The following ZDHHC15 variants were observed in gnomAD, a reference collection of about 807,000 sequenced individuals.
The protein encoded by ZDHHC15 is zDHHC palmitoyltransferase 15.
ZDHHC15 carries 19 observed loss-of-function variants against 31.7 expected under a neutral mutation model. The ratio of observed to expected loss-of-function variants is 0.60; its 90% CI spans 0.42 to 0.88. The LOEUF is 0.88. Ranked by LOEUF, ZDHHC15 falls within the 40% of genes least tolerant of loss-of-function variation. The pLI is 0.00. For synonymous variants in ZDHHC15, 103 were observed against 90.0 expected, an observed-to-expected ratio of 1.14 and a Z score of -0.82; for missense variants, 209 against 251.2, an observed-to-expected ratio of 0.83 and a Z score of 1.14.
chrX:75,402,858 G>T, intron 10 of ZDHHC15, among the ~76,000 whole-genome samples: 1 of 110,019 alleles, frequency 9.1e-6, no homozygotes, highest in Non-Finnish European at 1.9e-5. Flanking sequence ...GAGGAGGAAG[G>T]ACTCCTCTCC....
rs1431730950 is a variant in ZDHHC15, at chrX:75,369,720, TAGAA to T, written c.*3254_*3257del. 8.9e-6 allele frequency: 1 copy of T among 111,828 alleles called. No homozygotes were observed. Among genetic ancestry groups the T allele is most frequent in the Non-Finnish European group, 1.9e-5 (1 of 53,219 alleles). 9.2% of individuals were successfully genotyped at this position (111,828 alleles called of 1,213,427 possible). On this transcript the variant is annotated 3_prime_UTR_variant, in exon 12 of 12. Coordinates refer to ENST00000373367, the MANE Select transcript of ZDHHC15 (RefSeq NM_144969.3). ...AGGCACATATTGCATTCTTATCACA[TAGAA>T]AGTAAGAGTTGTACAAATTGCATAC...
At chrX:75,522,550 T>C (rs2085457272) in intron 1 of ZDHHC15, among the ~76,000 whole-genome samples, 1 of 111,223 alleles carries the variant, frequency 9.0e-6, no homozygotes, top group South Asian at 3.8e-4. Context: ...TTTCCTCAAC[T>C]TGGTACAGTA....
chrX:75,459,007 A>C (rs1215959543), intron 3 of ZDHHC15, among the ~76,000 whole-genome samples: 7 of 97,418 alleles, frequency 7.2e-5, no homozygotes, highest in Non-Finnish European at 1.3e-4. Flanking sequence ...AAAAAAAAAA[A>C]AAAACAACCC....
At chrX:75,496,407 G>T (rs1030642400) in intron 2 of ZDHHC15, among the ~76,000 whole-genome samples, 4 of 111,143 alleles carry the variant, frequency 3.6e-5, no homozygotes, top group Non-Finnish European at 5.7e-5. Context: ...AGCAGTAGTG[G>T]GGGACTTCGA....
chrX:75,442,085 T>C lies in ZDHHC15; in HGVS notation c.379+8717A>G, dbSNP rs1226604837. Among the ~76,000 whole-genome samples the C allele has an allele frequency of 5.3e-5, 6 of 112,511 alleles. No individual in the cohort carries two copies. The East Asian group carries it at 1.7e-3, about 32-fold the overall frequency. On this transcript the variant is annotated intron_variant, in intron 4 of 11. Transcript: ENST00000373367. Reference sequence around the variant, plus strand: ...TTTATGTGTGAACTTGACTGAGTCATACGGTGCCCAGATATTTGATTAAAC... The same window carrying C: ...TTTATGTGTGAACTTGACTGAGTCACACGGTGCCCAGATATTTGATTAAAC...
intron 9 of ZDHHC15, among the ~76,000 whole-genome samples, chrX:75,421,234 T>G (rs1016622638): frequency 8.1e-5 from 8 of 98,983 alleles, no homozygotes; most frequent in African/African-American, 2.6e-4. Flanking sequence ...ATTTCTCTTC[T>G]GCTGTTTTTC....
chrX:75,399,997 T>G (rs962760883), intron 10 of ZDHHC15, among the ~76,000 whole-genome samples: 15 of 111,281 alleles, frequency 1.3e-4, no homozygotes, highest in African/African-American at 4.9e-4. Context: ...TACACTGCAG[T>G]TAAAGAAACA....
intron 10 of ZDHHC15, among the ~76,000 whole-genome samples, chrX:75,399,116 C>G (rs2083328661): frequency 9.0e-6 from 1 of 111,503 alleles, no homozygotes; most frequent in Non-Finnish European, 1.9e-5. Flanking sequence ...AAGCATACCA[C>G]AGCAGCCCTA....
At chrX:75,436,473 G>T (rs2083853278) in intron 4 of ZDHHC15, among the ~76,000 whole-genome samples, 1 of 111,816 alleles carries the variant, frequency 8.9e-6, no homozygotes, top group Admixed American at 9.5e-5. Flanking sequence ...GGCACTTAAT[G>T]CTATGAACTT....
intron 1 of ZDHHC15, among the ~76,000 whole-genome samples, chrX:75,522,077 G>A (rs1308664349): frequency 1.8e-5 from 2 of 110,948 alleles, no homozygotes; most frequent in African/African-American, 6.6e-5. Context: ...GGAAGGAGTC[G>A]AATGCTCCTC....
intron 2 of ZDHHC15, among the ~76,000 whole-genome samples, chrX:75,485,035 T>C (rs2084755015): frequency 9.0e-6 from 1 of 111,455 alleles, no homozygotes; most frequent in South Asian, 3.8e-4. Context: ...AGAAAACAGA[T>C]CAGCAGTTGT....
At chrX:75,393,571 C>T (rs756619748) in intron 10 of ZDHHC15, among the ~76,000 whole-genome samples, 1 of 111,241 alleles carries the variant, frequency 9.0e-6, no homozygotes, top group African/African-American at 3.3e-5. Flanking sequence ...CAGTTCATGC[C>T]AAGGACCATC....
chrX:75,408,578 AT>A (rs1174936365), intron 10 of ZDHHC15, among the ~76,000 whole-genome samples: 15 of 112,199 alleles, frequency 1.3e-4, no homozygotes, highest in Admixed American at 1.2e-3. Context: ...TTTATGCAAC[AT>A]AATACTAGAA....
At chrX:75,451,047 G>A (rs1258399701) in intron 3 of ZDHHC15, 125 bp from the exon 4 acceptor site, 3 of 785,330 alleles carry the variant, frequency 3.8e-6, no homozygotes, top group Non-Finnish European at 5.2e-6. Context: ...GTACCACTTA[G>A]TCTTATAATG....
In ZDHHC15 at chrX:75,371,437, G is replaced by A. The variant is rs2083005148; in HGVS notation, c.*1541C>T. The A allele has an allele frequency of 9.0e-6, 1 of 111,613 alleles. No homozygotes were observed. Among genetic ancestry groups the A allele is most frequent in the African/African-American group, 3.3e-5 (1 of 30,685 alleles). The allele number at this position is 111,613 out of a possible 1,213,427, so 9.2% of individuals were successfully genotyped here. ...GCTGACCACAATCCATTTAATTTATGCCAAAAGTCTCACCTTGGTCAAAAT... is the reference window on the plus strand; with the variant it reads ...GCTGACCACAATCCATTTAATTTATACCAAAAGTCTCACCTTGGTCAAAAT... On this transcript the variant is annotated 3_prime_UTR_variant, in exon 12 of 12. Transcript: ENST00000373367.
intron 10 of ZDHHC15, among the ~76,000 whole-genome samples, chrX:75,399,532 C>T (rs2083333552): frequency 9.0e-6 from 1 of 111,496 alleles, no homozygotes; most frequent in South Asian, 3.8e-4. Context: ...TGACCTGTAT[C>T]TCTCTGGAGT....
At chrX:75,450,655 T>G (rs2084102522) in intron 4 of ZDHHC15, 147 bp downstream of exon 4, 1 of 1,144,343 alleles carries the variant, frequency 8.7e-7, no homozygotes, top group Non-Finnish European at 1.2e-6. Flanking sequence ...GTTTAAAATT[T>G]TTTAGAAATA....
chrX:75,392,273 A>T (rs774138882), intron 10 of ZDHHC15, among the ~76,000 whole-genome samples: 1 of 112,181 alleles, frequency 8.9e-6, no homozygotes, highest in South Asian at 3.7e-4. Flanking sequence ...CTAGAGAAAG[A>T]TGTAGGCTAG....
intron 11 of ZDHHC15, among the ~76,000 whole-genome samples, chrX:75,373,919 TC>T (rs2083026552): frequency 1.2e-5 from 1 of 80,193 alleles, no homozygotes; most frequent in South Asian, 7.8e-4. Flanking sequence ...TCTTATTCAT[TC>T]TTTCTGTTTT....
Sources: gnomAD v4.1 joint callset for allele counts (sites outside exome capture counted in the v4.1 genomes callset) on GRCh38, gnomAD v4.1.1 for gene constraint, MANE v1.5 for transcripts, NCBI Gene and HGNC (gene_info 2026-07-23, HGNC 2026-07-21) for gene names.